ATR: variants seen among roughly 807,000 people sequenced by gnomAD.
ATR encodes the protein ATR checkpoint kinase, also known as serine/threonine-protein kinase ATR.
In ATR, 142 loss-of-function variants were observed where a neutral mutation model predicts 305.3. The observed-to-expected ratio is 0.47, with a 90% CI of 0.41 to 0.53. The LOEUF (loss-of-function observed/expected upper bound fraction) is 0.53, where lower values mean the gene tolerates loss of function less well. Among genes scored for constraint, ATR ranks in the 20% least tolerant of loss-of-function variants. The probability of loss-of-function intolerance (pLI) is 0.00; values close to 1 mark genes in which losing one functional copy is unlikely to be tolerated. For missense variants in ATR, 2,135 were observed against 3,133.1 expected (o/e 0.68, Z 7.60); for synonymous variants, 1,050 against 1,068.1 (o/e 0.98, Z 0.33).
At chr3:142,472,972 G>A (rs2071328384) in intron 36 of ATR, among the ~76,000 whole-genome samples, 3 of 152,032 alleles carry the variant, frequency 2.0e-5, no homozygotes, top group African/African-American at 7.2e-5. Flanking sequence ...TAAGTTGTTT[G>A]AGTTCCTTAC....
rs2034923551 is a variant in ATR, at chr3:142,562,619, T to C, written c.783A>G (p.Leu261=). Residue 261 remains leucine, a synonymous_variant, in exon 4 of 47, where the codon CTA becomes CTG. Coordinates refer to ENST00000350721, the MANE Select transcript of ATR (RefSeq NM_001184.4). The stretch of plus-strand genomic sequence containing the variant: ...AAAAAGTGCTAGCTGGTTGTGCTGG[T>C]AGTCCTCCAAGCTGAAAAAGTTCTG... ...FLTELFQLGG[L]PAQPASTFFS... is the part of the protein sequence containing the mutation. 3.1e-6 allele frequency: 5 copies of C among 1,614,002 alleles called. No individual in the cohort carries two copies. The highest frequency in any genetic ancestry group is 2.5e-6 in the Non-Finnish European group (3 of 1,179,998).
intron 46 of ATR, 170 bp downstream of exon 46, chr3:142,452,954 TAAAG>T (rs2070824846): frequency 4.1e-6 from 6 of 1,474,412 alleles, no homozygotes; most frequent in South Asian, 1.3e-5. Context: ...TTACTGACAA[TAAAG>T]AAAACTTATG....
At chr3:142,455,775 C>A (rs951441879) in intron 45 of ATR, among the ~76,000 whole-genome samples, 3 of 152,022 alleles carry the variant, frequency 2.0e-5, no homozygotes, top group Non-Finnish European at 2.9e-5. Context: ...AGCTAAAAGT[C>A]AAAAATGCTT....
chr3:142,503,229 G>T, intron 30 of ATR, 133 bp downstream of exon 30: 3 of 631,756 alleles, frequency 4.7e-6, no homozygotes, highest in Admixed American at 3.1e-5. Context: ...AAAAATGTTG[G>T]TGCTTATCTC....
chr3:142,515,485 C>G lies in ATR; in HGVS notation c.4413G>C (p.Trp1471Cys), dbSNP rs1296228170. ...RYKSSQKSTD[W>C]SGVKKPIYLS... is the part of the protein sequence containing the mutation. Reference sequence around the variant, plus strand: ...AGTAAATTGGCTTCTTTACTCCAGACCAATCGGTTGACTTCTGAGAACTCT... The same window carrying G: ...AGTAAATTGGCTTCTTTACTCCAGAGCAATCGGTTGACTTCTGAGAACTCT... Residue 1471 changes from tryptophan (W) to cysteine (C), a missense_variant, in exon 25 of 47, where the codon TGG becomes TGC. By Grantham distance (215) the Trp-to-Cys change is radical. Transcript: ENST00000350721. The G allele has an allele frequency of 6.2e-7, 1 of 1,612,290 alleles. No homozygotes were observed.
At chr3:142,575,540 A>C (rs1442227675) in intron 1 of ATR, among the ~76,000 whole-genome samples, 1 of 151,202 alleles carries the variant, frequency 6.6e-6, no homozygotes, top group Non-Finnish European at 1.5e-5. Context: ...TCCCAGATTC[A>C]CGTGACTAGC....
chr3:142,480,065 C>G (rs2030307042), intron 36 of ATR, among the ~76,000 whole-genome samples: 1 of 152,152 alleles, frequency 6.6e-6, no homozygotes, highest in Non-Finnish European at 1.5e-5. Context: ...GTTTGATCAT[C>G]TGAAGCCTTC....
In ATR at chr3:142,512,417, A is replaced by G. The variant is rs752941766; in HGVS notation, c.4695T>C (p.Asn1565=). Residue 1565 remains asparagine, a synonymous_variant, in exon 27 of 47, where the codon AAT becomes AAC. Coordinates refer to ENST00000350721, the MANE Select transcript of ATR (RefSeq NM_001184.4). ...ACAGATCAGATGCAATGTCTTGGGT[A>G]TTTATGGTATGCTGATCGTCATGCT... is the stretch of plus-strand genomic sequence containing the variant. ...VLKHDDQHTI[N]TQDIASDLCQ... 1.2e-6 allele frequency: 2 copies of G among 1,613,882 alleles called. No individual in the cohort carries two copies. Among genetic ancestry groups the G allele is most frequent in the South Asian group, 2.2e-5 (2 of 91,058 alleles).
At chr3:142,569,640 ATTTT>A (rs1194111695) in intron 1 of ATR, among the ~76,000 whole-genome samples, 6 of 146,964 alleles carry the variant, frequency 4.1e-5, no homozygotes, top group Non-Finnish European at 9.0e-5. Flanking sequence ...TTTTTGTGGG[ATTTT>A]TTTTGTTTTT....
At chr3:142,459,890 G>A (rs928520706) in intron 42 of ATR, among the ~76,000 whole-genome samples, 1 of 151,944 alleles carries the variant, frequency 6.6e-6, no homozygotes, top group African/African-American at 2.4e-5. Flanking sequence ...AATAGTTCCA[G>A]AATACAAGAC....
At chr3:142,452,963 CTT>C (rs2070825110) in intron 46 of ATR, 163 bp downstream of exon 46, 4 of 1,486,846 alleles carry the variant, frequency 2.7e-6, no homozygotes, top group Non-Finnish European at 3.6e-6. Flanking sequence ...ATAAAGAAAA[CTT>C]ATGGCATTGT....
rs1037953293 is a variant in ATR, at chr3:142,535,293, A to G, written c.3820-88T>C. ...GGCCTGAATTCTCTATATAGTTACC[A>G]TTAAACTATACCAAACCAATTTTTT... On this transcript the variant is annotated intron_variant, in intron 20 of 46. Transcript: ENST00000350721. 1.8e-5 allele frequency: 27 copies of G among 1,505,232 alleles called. No homozygotes were observed. In the East Asian group the frequency reaches 6.2e-4, roughly 35 times the overall value. 93.2% of individuals were successfully genotyped at this position (1,505,232 alleles called of 1,614,324 possible).
At chr3:142,503,804 A>G (rs1234568022) in intron 29 of ATR, among the ~76,000 whole-genome samples, 1 of 152,220 alleles carries the variant, frequency 6.6e-6, no homozygotes, top group African/African-American at 2.4e-5. Context: ...AACATAAATA[A>G]ATGTAGACAA....
intron 35 of ATR, among the ~76,000 whole-genome samples, chr3:142,487,261 G>A (rs1015002686): frequency 3.3e-5 from 5 of 152,000 alleles, no homozygotes; most frequent in African/African-American, 9.7e-5. Context: ...CTCAGCCTAC[G>A]GAGCAGCTGG....
intron 36 of ATR, among the ~76,000 whole-genome samples, chr3:142,475,611 C>T (rs538545140): frequency 6.6e-6 from 1 of 152,108 alleles, no homozygotes; most frequent in South Asian, 2.1e-4. Flanking sequence ...GGGTATATAC[C>T]CAGTAATGGG....
chr3:142,450,471 GA>G (rs2070764194), intron 46 of ATR: 2 of 1,601,426 alleles, frequency 1.2e-6, no homozygotes, highest in African/African-American at 2.7e-5. Flanking sequence ...CTCACTTAAT[GA>G]GGTCCACTAA....
chr3:142,576,354 C>T (rs79710000), intron 1 of ATR, among the ~76,000 whole-genome samples: 10,499 of 152,058 alleles, frequency 0.069, 887 homozygotes, highest in African/African-American at 0.2. Context: ...TATATATCTC[C>T]GATCTAGAAA....
chr3:142,475,785 C>T (rs1408810348), intron 36 of ATR, among the ~76,000 whole-genome samples: 6 of 152,152 alleles, frequency 3.9e-5, no homozygotes, highest in South Asian at 2.1e-4. Context: ...TTAATGATCG[C>T]CATTCTAACT....
intron 35 of ATR, among the ~76,000 whole-genome samples, chr3:142,487,654 C>CA (rs2031026541): frequency 6.6e-6 from 1 of 152,154 alleles, no homozygotes; most frequent in Non-Finnish European, 1.5e-5. Flanking sequence ...TGTTTATCCT[C>CA]TGGGGACATG....
Sources: allele counts gnomAD v4.1 joint callset (sites outside exome capture counted in the v4.1 genomes callset), GRCh38; gene constraint gnomAD v4.1.1; transcripts MANE v1.5; gene names NCBI Gene and HGNC (gene_info 2026-07-23, HGNC 2026-07-21).